The following UBE2O variants were observed in gnomAD, a reference collection of about 807,000 sequenced individuals.
UBE2O encodes the protein (E3-independent) E2 ubiquitin-conjugating enzyme.
A neutral mutation model predicts 125.8 loss-of-function variants in UBE2O; 15 were observed. The observed-to-expected ratio is 0.12, with a 90% CI of 0.08 to 0.18. The LOEUF is 0.18. UBE2O is among the 10% of genes least tolerant of loss of function. The pLI is 1.00. For synonymous variants in UBE2O, 708 were observed against 703.2 expected (o/e 1.01, Z -0.11); for missense variants, 1,280 against 1,723.6 (o/e 0.74, Z 4.56).
chr17:76,429,024 C>A (rs771233716), intron 1 of UBE2O, among the ~76,000 whole-genome samples: 3 of 151,716 alleles, frequency 2.0e-5, no homozygotes, highest in Non-Finnish European at 2.9e-5. Context: ...GCCTCAGCCT[C>A]CCGAGTAGCT....
chr17:76,395,575 G>A lies in UBE2O; in HGVS notation c.2946+150C>T, dbSNP rs2072192734. 1.2e-6 allele frequency: 1 copy of A among 861,078 alleles called. No individual in the cohort carries two copies. Among genetic ancestry groups the A allele is most frequent in the Admixed American group, 2.5e-5 (1 of 39,468 alleles). 53.3% of individuals were successfully genotyped at this position (861,078 alleles called of 1,614,324 possible). On this transcript the variant is annotated intron_variant, in intron 15 of 17. Coordinates refer to ENST00000319380, the MANE Select transcript of UBE2O (RefSeq NM_022066.4). The surrounding 1 kb of genome is among the most constrained non-coding windows in gnomAD (Gnocchi z 5.0). Reference sequence around the variant, plus strand: ...GCTGAGTCAGCCCTCACCTGACTGAGCCTGTGACCGCCCCTGTAAAAGGTG... The same window carrying A: ...GCTGAGTCAGCCCTCACCTGACTGAACCTGTGACCGCCCCTGTAAAAGGTG...
chr17:76,434,503 T>C (rs1278286463), intron 1 of UBE2O, among the ~76,000 whole-genome samples: 1 of 152,146 alleles, frequency 6.6e-6, no homozygotes, highest in African/African-American at 2.4e-5. Flanking sequence ...ACCTGAGATA[T>C]GTCTCACAGG....
intron 1 of UBE2O, among the ~76,000 whole-genome samples, chr17:76,420,887 C>G (rs1307831295): frequency 6.6e-6 from 1 of 152,172 alleles, no homozygotes; most frequent in African/African-American, 2.4e-5. Context: ...CACTCACCCC[C>G]CTAGACTTCC....
chr17:76,412,056 G>A (rs1044475009), intron 1 of UBE2O, among the ~76,000 whole-genome samples: 4 of 152,134 alleles, frequency 2.6e-5, no homozygotes, highest in African/African-American at 9.7e-5. Flanking sequence ...CCAAGTGCCC[G>A]CTGAGGCTTC....
rs1210902517 is a variant in UBE2O, at chr17:76,396,878, T to C, written c.2116-57A>G. 6 of 1,452,942 alleles carry C rather than the reference T, an allele frequency of 4.1e-6. No individual in the cohort carries two copies. In the African/African-American group the frequency reaches 7.1e-5, roughly 17 times the overall value. 90.0% of individuals were successfully genotyped at this position (1,452,942 alleles called of 1,614,324 possible). A position where few individuals can be genotyped will look rare whatever the true frequency, so the allele number is the denominator to read the frequency against. On this transcript the variant is annotated intron_variant, in intron 13 of 17. Coordinates refer to ENST00000319380, the MANE Select transcript of UBE2O (RefSeq NM_022066.4). The surrounding 1 kb of genome is among the most constrained non-coding windows in gnomAD (Gnocchi z 6.7). ...AGACAGGAAGTCACCTCCCCACCACTAAGGAGGAGCTCTGGGGATCCCTGA... is the reference window on the plus strand; with the variant it reads ...AGACAGGAAGTCACCTCCCCACCACCAAGGAGGAGCTCTGGGGATCCCTGA...
intron 1 of UBE2O, chr17:76,430,814 C>T (rs1384265687): frequency 6.4e-6 from 2 of 313,980 alleles, no homozygotes; most frequent in Non-Finnish European, 1.3e-5. Flanking sequence ...CATCTTTTGG[C>T]CCTTTGGGCT....
At chr17:76,403,660 T>A (rs534598292) in intron 3 of UBE2O, among the ~76,000 whole-genome samples, 52 of 152,300 alleles carry the variant, frequency 3.4e-4, no homozygotes, top group Admixed American at 2.6e-3. Context: ...CATATGTATT[T>A]CCTAGTGTGT....
rs959244074 is a variant in UBE2O at position 76,452,639 on chromosome 17, C to A, written c.417+86G>T. ...GCCACTGCAGTGGCACCGCTCCGGG[C>A]AGGGCCCTGCACGCCGTCCTTCCCT... On this transcript the variant is annotated intron_variant, in intron 1 of 17. Transcript: ENST00000319380. This position sits in a 1 kb window ranked among gnomAD's most constrained non-coding sequence, Gnocchi z 4.4. 1.4e-5 allele frequency: 18 copies of A among 1,243,664 alleles called. No individual in the cohort carries two copies. Among genetic ancestry groups the A allele is most frequent in the South Asian group, 9.3e-5 (4 of 43,020 alleles). The allele number at this position is 1,243,664 out of a possible 1,614,324, so 77.0% of individuals were successfully genotyped here.
chr17:76,426,178 T>A (rs1301645102), intron 1 of UBE2O, among the ~76,000 whole-genome samples: 1 of 152,140 alleles, frequency 6.6e-6, no homozygotes, highest in Non-Finnish European at 1.5e-5. Flanking sequence ...AATTTTTGTA[T>A]TTTTTTGTAG....
At chr17:76,440,928 TG>T (rs1308198816) in intron 1 of UBE2O, among the ~76,000 whole-genome samples, 7 of 152,122 alleles carry the variant, frequency 4.6e-5, no homozygotes, top group Admixed American at 2.0e-4. Context: ...AGGGCCTGTG[TG>T]GGGGTATCTC....
intron 1 of UBE2O, among the ~76,000 whole-genome samples, chr17:76,423,836 C>G (rs957384528): frequency 6.6e-6 from 1 of 150,430 alleles, no homozygotes; most frequent in Non-Finnish European, 1.5e-5. Context: ...AACCAGAACA[C>G]AGGAGAGGAG....
chr17:76,406,699 T>TG (rs1555606088), intron 1 of UBE2O, among the ~76,000 whole-genome samples: 1 of 131,874 alleles, frequency 7.6e-6, no homozygotes, highest in Admixed American at 7.4e-5. Flanking sequence ...GTTGTTTTTT[T>TG]TTTTTTTTTT....
intron 1 of UBE2O, among the ~76,000 whole-genome samples, chr17:76,433,817 T>G (rs2072941244): frequency 6.6e-6 from 1 of 150,840 alleles, no homozygotes; most frequent in South Asian, 2.1e-4. Flanking sequence ...AGGAAAGGAG[T>G]TTGAGACCAG....
chr17:76,418,570 T>A (rs1222560766), intron 1 of UBE2O, among the ~76,000 whole-genome samples: 1 of 133,120 alleles, frequency 7.5e-6, no homozygotes, highest in Admixed American at 7.3e-5. Flanking sequence ...GAGGAACAGG[T>A]TTTTTTTTTT....
intron 1 of UBE2O, among the ~76,000 whole-genome samples, chr17:76,419,491 G>T (rs116577165): frequency 6.6e-6 from 1 of 152,116 alleles, no homozygotes; most frequent in African/African-American, 2.4e-5. Context: ...CTAAGAAAGC[G>T]AGAGTTGACT....
intron 1 of UBE2O, among the ~76,000 whole-genome samples, chr17:76,424,166 C>T (rs1465652279): frequency 1.3e-5 from 2 of 150,662 alleles, no homozygotes; most frequent in Non-Finnish European, 2.9e-5. Context: ...TCTCGGCCTC[C>T]CAAAGTGCTG....
In UBE2O at chr17:76,401,003, G is replaced by A. The variant is rs377632119; in HGVS notation, c.894+8C>T. On this transcript the variant is annotated splice_region_variant and intron_variant, in intron 6 of 17. Coordinates refer to ENST00000319380, the MANE Select transcript of UBE2O (RefSeq NM_022066.4). ...GACTCCATCTCCTACCCTTGGGCCC[G>A]GACCCACCTCTTCCACCACCACTCG... 35 of 1,613,506 alleles carry A rather than the reference G, an allele frequency of 2.2e-5. No homozygotes were observed. Among genetic ancestry groups the A allele is most frequent in the African/African-American group, 8.0e-5 (6 of 75,034 alleles).
chr17:76,398,723 T>C lies in UBE2O; in HGVS notation c.1783+114A>G. ...AGACCCCTTCATGAGGGCAGTCCCC[T>C]TCTGGACCTCATTTTAGCTCTGACC... On this transcript the variant is annotated intron_variant, in intron 10 of 17. Transcript: ENST00000319380. This position sits in a 1 kb window ranked among gnomAD's most constrained non-coding sequence, Gnocchi z 5.4. The C allele has an allele frequency of 6.7e-7, 1 of 1,493,928 alleles. No homozygotes were observed. The highest frequency in any genetic ancestry group is 1.2e-5 in the South Asian group (1 of 81,090). The allele number at this position is 1,493,928 out of a possible 1,614,324, so 92.5% of individuals were successfully genotyped here. A position where few individuals can be genotyped will look rare whatever the true frequency, so the allele number is the denominator to read the frequency against.
intron 1 of UBE2O, among the ~76,000 whole-genome samples, chr17:76,437,449 CAAAAAAA>C (rs549634787): frequency 5.1e-5 from 3 of 58,398 alleles, no homozygotes; most frequent in Non-Finnish European, 7.6e-5. Flanking sequence ...GATTCCATCT[CAAAAAAA>C]AAAAAAAAGA....
Sources: allele counts gnomAD v4.1 joint callset (sites outside exome capture counted in the v4.1 genomes callset), GRCh38; gene constraint gnomAD v4.1.1; non-coding constraint Gnocchi (gnomAD v3.1); transcripts MANE v1.5; gene names NCBI Gene and HGNC (gene_info 2026-07-23, HGNC 2026-07-21).